The following RHAG variants were observed in gnomAD, a reference collection of about 807,000 sequenced individuals.
The protein encoded by RHAG is ammonium transporter Rh type A.
A neutral mutation model predicts 42.4 loss-of-function variants in RHAG; 25 were observed. The ratio of observed to expected loss-of-function variants is 0.59; its 90% CI spans 0.43 to 0.82. The LOEUF is 0.82. RHAG is among the 40% of genes least tolerant of loss of function. The pLI, the probability that RHAG is intolerant of heterozygous loss-of-function variation, is 0.00. For synonymous variants in RHAG, 182 were observed against 177.7 expected, an observed-to-expected ratio of 1.02 and a Z score of -0.19; for missense variants, 483 against 504.6, an observed-to-expected ratio of 0.96 and a Z score of 0.41.
intron 7 of RHAG, 140 bp from the exon 8 acceptor site, chr6:49,607,360 A>G (rs1033801157): frequency 1.2e-5 from 9 of 727,762 alleles, no homozygotes; most frequent in Middle Eastern, 4.6e-4. Context: ...ATTTGTTACA[A>G]TTTTTCTTTC....
At chr6:49,623,948 G>A (rs969414802) in intron 1 of RHAG, among the ~76,000 whole-genome samples, 4 of 152,114 alleles carry the variant, frequency 2.6e-5, no homozygotes, top group African/African-American at 9.7e-5. Flanking sequence ...ATAGCAGCGG[G>A]GAGGGAACCA....
At position 49,605,208 on chromosome 6, in the gene RHAG, T is replaced by C. The variant is rs1774138236; in HGVS notation, c.*605A>G. 6.5e-6 allele frequency: 1 copy of C among 154,960 alleles called. No homozygotes were observed. The highest frequency in any genetic ancestry group is 1.4e-5 in the Non-Finnish European group (1 of 69,666). 9.6% of individuals were successfully genotyped at this position (154,960 alleles called of 1,614,324 possible). On this transcript the variant is annotated 3_prime_UTR_variant, in exon 10 of 10. Coordinates refer to ENST00000371175, the MANE Select transcript of RHAG (RefSeq NM_000324.3). ...TATAACAATATTTAATTATTGGACA[T>C]TTTATGCAAAATAGACTTTGATCAG...
intron 1 of RHAG, among the ~76,000 whole-genome samples, chr6:49,622,098 G>A (rs927860754): frequency 1.3e-5 from 2 of 150,824 alleles, no homozygotes; most frequent in Non-Finnish European, 2.9e-5. Flanking sequence ...ATCTCATCTT[G>A]TAGCTCCCAT....
intron 1 of RHAG, among the ~76,000 whole-genome samples, chr6:49,631,424 C>CA (rs1226483627): frequency 3.3e-5 from 5 of 152,182 alleles, no homozygotes; most frequent in Non-Finnish European, 5.9e-5. Context: ...TCCTTCTCCT[C>CA]TTTTTCTCTT....
rs1762563503 is a variant in RHAG at position 49,611,160 on chromosome 6, G to C, written c.946-15C>G. ...GTAAAAAGTGGCTAAAATTATAAAA[G>C]GAAGAAGGTTTATTATTTAGTTAAA... On this transcript the variant is annotated splice_polypyrimidine_tract_variant and intron_variant, in intron 6 of 9. Transcript: ENST00000371175. 1.9e-6 allele frequency: 3 copies of C among 1,605,344 alleles called. No homozygotes were observed. Among genetic ancestry groups the C allele is most frequent in the Non-Finnish European group, 2.6e-6 (3 of 1,172,992 alleles).
chr6:49,611,238 T>C (rs762059689), intron 6 of RHAG, 93 bp from the exon 7 acceptor site: 55 of 990,474 alleles, frequency 5.6e-5, no homozygotes, highest in Non-Finnish European at 8.1e-5. Context: ...TATTCTTCCA[T>C]GGAGAAAAAG....
intron 7 of RHAG, among the ~76,000 whole-genome samples, chr6:49,608,366 A>G (rs750581650): frequency 9.2e-5 from 14 of 152,198 alleles, no homozygotes; most frequent in Non-Finnish European, 1.6e-4. Context: ...AAATGAGAAT[A>G]TTAGTAAAAG....
At chr6:49,629,164 A>T (rs1762893336) in intron 1 of RHAG, among the ~76,000 whole-genome samples, 1 of 152,162 alleles carries the variant, frequency 6.6e-6, no homozygotes, top group African/African-American at 2.4e-5. Flanking sequence ...CACAGTGTGG[A>T]TGGCTGCACT....
chr6:49,613,750 A>G (rs1762605821), intron 5 of RHAG, among the ~76,000 whole-genome samples: 1 of 152,226 alleles, frequency 6.6e-6, no homozygotes, highest in African/African-American at 2.4e-5. Context: ...CAGACACATA[A>G]AAGTTGTAAA....
chr6:49,613,636 G>A (rs182127850), intron 5 of RHAG, among the ~76,000 whole-genome samples: 13 of 152,130 alleles, frequency 8.5e-5, no homozygotes, highest in African/African-American at 3.1e-4. Context: ...TAGACTGGCT[G>A]ATCTGAGGGT....
intron 7 of RHAG, among the ~76,000 whole-genome samples, chr6:49,610,243 A>C (rs1317999086): frequency 2.6e-5 from 4 of 152,098 alleles, no homozygotes; most frequent in Non-Finnish European, 5.9e-5. Flanking sequence ...ACACAATTTA[A>C]AAAAATTGAG....
chr6:49,621,311 T>G (rs1762755950), intron 1 of RHAG, among the ~76,000 whole-genome samples: 1 of 152,316 alleles, frequency 6.6e-6, no homozygotes, highest in Non-Finnish European at 1.5e-5. Flanking sequence ...GAAAATGCTC[T>G]TCTTTTGCTC....
intron 1 of RHAG, among the ~76,000 whole-genome samples, chr6:49,628,711 C>T (rs920641394): frequency 1.3e-5 from 2 of 151,862 alleles, no homozygotes; most frequent in African/African-American, 4.8e-5. Context: ...AGCTGCAGAC[C>T]TTCGCGGTGA....
At chr6:49,636,570 C>T in intron 1 of RHAG, 86 bp downstream of exon 1, 1 of 1,344,776 alleles carries the variant, frequency 7.4e-7, no homozygotes, top group Admixed American at 1.7e-5. Context: ...ACAAAGAGCT[C>T]AAGGGTTTAT....
At chr6:49,607,025 ATAAT>A (rs895938981) in intron 8 of RHAG, 104 bp from the exon 9 acceptor site, 34 of 1,199,910 alleles carry the variant, frequency 2.8e-5, no homozygotes, top group Non-Finnish European at 3.7e-5. Context: ...TTTAAATGAC[ATAAT>A]TACTTTACTG....
rs201426967 is a variant in RHAG at position 49,615,592 on chromosome 6, G to C, written c.640+32C>G. On this transcript the variant is annotated intron_variant, in intron 4 of 9. Transcript: ENST00000371175. The stretch of plus-strand genomic sequence containing the variant: ...ACCTTCTCTGGTGCCTTTTCAAATA[G>C]ATAAGATTCAAGCAAGTTTATCCAC... 2.0e-4 allele frequency: 323 copies of C among 1,612,406 alleles called. 4 individuals carry two copies. In the East Asian group the frequency reaches 7.1e-3, roughly 36 times the overall value.
intron 6 of RHAG, among the ~76,000 whole-genome samples, chr6:49,611,791 GA>G (rs1762573376): frequency 6.6e-6 from 1 of 151,442 alleles, no homozygotes; most frequent in Admixed American, 6.6e-5. Flanking sequence ...GCCCAGGCTG[GA>G]GGGTAATGGT....
At chr6:49,609,488 G>A (rs1325837283) in intron 7 of RHAG, among the ~76,000 whole-genome samples, 1 of 152,218 alleles carries the variant, frequency 6.6e-6, no homozygotes, top group Non-Finnish European at 1.5e-5. Context: ...ACACTGAGGA[G>A]TTGAGCTCAT....
At chr6:49,633,480 A>C (rs1762963694) in intron 1 of RHAG, among the ~76,000 whole-genome samples, 1 of 152,160 alleles carries the variant, frequency 6.6e-6, no homozygotes, top group Non-Finnish European at 1.5e-5. Flanking sequence ...CACCTCAGTC[A>C]TGTACTTTCT....
Sources: allele counts gnomAD v4.1 joint callset (sites outside exome capture counted in the v4.1 genomes callset), GRCh38; gene constraint gnomAD v4.1.1; transcripts MANE v1.5; gene names NCBI Gene and HGNC (gene_info 2026-07-23, HGNC 2026-07-21).